Variants in SLC35C1 observed in about 807,000 individuals in gnomAD.
SLC35C1 encodes the protein solute carrier family 35 member C1, also known as GDP-fucose transporter 1.
Under a neutral mutation model 23.2 loss-of-function variants are expected in SLC35C1, and 8 were observed. The observed-to-expected ratio is 0.35, with a 90% confidence interval of 0.20 to 0.62. SLC35C1 has a LOEUF of 0.62. Among genes scored for constraint, SLC35C1 ranks in the 20% least tolerant of loss-of-function variants. The probability of loss-of-function intolerance (pLI) is 0.75; values close to 1 mark genes in which losing one functional copy is unlikely to be tolerated. For missense variants in SLC35C1, 422 were observed against 478.6 expected (o/e 0.88, Z 1.10); for synonymous variants, 226 against 225.1 (o/e 1.00, Z -0.04).
upstream of SLC35C1, chr11:45,804,834 A>C: frequency 1.0e-6 from 1 of 985,658 alleles, no homozygotes; most frequent in African/African-American, 1.7e-5. Flanking sequence ...GGGTTCCGGG[A>C]AGTGGACCTG....
upstream of SLC35C1, chr11:45,804,366 G>A: frequency 1.9e-6 from 1 of 537,366 alleles, no homozygotes; most frequent in South Asian, 8.0e-5. Context: ...CCCAGGGTGC[G>A]GCGCTGCAGA....
At chr11:45,809,276 C>T (rs1423614965) in intron 1 of SLC35C1, among the ~76,000 whole-genome samples, 1 of 152,122 alleles carries the variant, frequency 6.6e-6, no homozygotes, top group African/African-American at 2.4e-5. Flanking sequence ...ATAAAAGGGG[C>T]TGTGGGAGCT....
chr11:45,804,878 C>T, upstream of SLC35C1: 1 of 985,800 alleles, frequency 1.0e-6, no homozygotes, highest in Non-Finnish European at 1.2e-6. Flanking sequence ...GGGACGGAGG[C>T]TCCGGGGCGG....
Position 45,805,604 on chromosome 11 carries a change from G to A in SLC35C1, c.-198G>A, listed in dbSNP as rs2085861225. On this transcript the variant is annotated 5_prime_UTR_variant, in exon 1 of 2. An upstream open reading frame in the 5' UTR loses its in-frame stop. Transcript: ENST00000314134. Reference sequence around the variant, plus strand: ...TCAGAGCCCCCTCGGGGTGGGAGTAGGTTGTGGAGCAGCACAACTGGGCTC... The same window carrying A: ...TCAGAGCCCCCTCGGGGTGGGAGTAAGTTGTGGAGCAGCACAACTGGGCTC... 22 of 1,469,736 alleles carry A rather than the reference G, an allele frequency of 1.5e-5. 1 individual carries two copies. The South Asian group carries it at 2.7e-4, about 18-fold the overall frequency. 91.0% of individuals were successfully genotyped at this position (1,469,736 alleles called of 1,614,324 possible).
intron 1 of SLC35C1, chr11:45,806,846 G>C (rs2085883438): frequency 1.0e-6 from 1 of 975,206 alleles, no homozygotes; most frequent in East Asian, 1.1e-4. Flanking sequence ...TGATTTCCCA[G>C]CCAGTGCTCT....
chr11:45,809,473 C>T (rs2085913069), intron 1 of SLC35C1, among the ~76,000 whole-genome samples: 1 of 152,284 alleles, frequency 6.6e-6, no homozygotes, highest in East Asian at 1.9e-4. Flanking sequence ...CAGGCCGACT[C>T]CACGTGGTGC....
rs1316160727 is a variant in SLC35C1 at position 45,812,998 on chromosome 11, CAATAAA to C, written c.*1664_*1669del. On this transcript the variant is annotated 3_prime_UTR_variant, in exon 2 of 2. Transcript: ENST00000314134. ...CTGATGCCCTGAGTTGTTTGTGATT[CAATAAA>C]GAATCCATAAGATCCTGTGTGTGTG... 3 of 224,586 alleles carry C rather than the reference CAATAAA, an allele frequency of 1.3e-5. No individual in the cohort carries two copies. Among genetic ancestry groups the C allele is most frequent in the East Asian group, 1.9e-4 (2 of 10,686 alleles). 13.9% of individuals were successfully genotyped at this position (224,586 alleles called of 1,614,324 possible).
At chr11:45,810,384 G>C (rs545116604) in intron 1 of SLC35C1, 5 of 985,288 alleles carry the variant, frequency 5.1e-6, no homozygotes, top group Non-Finnish European at 6.0e-6. Context: ...TCAGAACTCA[G>C]TTCAACTGTT....
At chr11:45,806,892 A>G (rs2085884125) in intron 1 of SLC35C1, 13 of 985,314 alleles carry the variant, frequency 1.3e-5, no homozygotes, top group Non-Finnish European at 1.4e-5. Context: ...TAAATATACC[A>G]TCACTCTCTG....
rs747383355 is a variant in SLC35C1, at chr11:45,810,945, C to T, written c.705C>T (p.Asn235=). ...TCTGGCGCCTGACTTTCTACAACAA[C>T]GTCAACGCCTGCATCCTCTTCCTGC... is the stretch of plus-strand genomic sequence containing the variant. The part of the protein sequence containing the change: ...GSIWRLTFYN[N]VNACILFLPL... Residue 235 remains asparagine, a synonymous_variant, in exon 2 of 2, where the codon AAC becomes AAT. Transcript: ENST00000314134. The T allele has an allele frequency of 1.5e-5, 24 of 1,612,738 alleles. No individual in the cohort carries two copies. Among genetic ancestry groups the T allele is most frequent in the African/African-American group, 1.2e-4 (9 of 75,074 alleles).
Position 45,805,419 on chromosome 11 carries a change from GC to G in SLC35C1, c.-379del. On this transcript the variant is annotated 5_prime_UTR_variant, in exon 1 of 2. The change abolishes the stop of an existing upstream ORF in the 5' untranslated region. Transcript: ENST00000314134. ...CCACGCGTCCTTTTCCTGCACCTTC[GC>G]CCCGCGTACCTACTCCTGCCCCGCC... is the stretch of plus-strand genomic sequence containing the variant. 1 of 1,042,012 alleles carries G rather than the reference GC, an allele frequency of 9.6e-7. No homozygotes were observed. The highest frequency in any genetic ancestry group is 1.2e-6 in the Non-Finnish European group (1 of 864,414). 64.5% of individuals were successfully genotyped at this position (1,042,012 alleles called of 1,614,324 possible). A position where few individuals can be genotyped will look rare whatever the true frequency, so the allele number is the denominator to read the frequency against.
chr11:45,811,311 C>T lies in SLC35C1; in HGVS notation c.1071C>T (p.Ser357=), dbSNP rs1317972174. Residue 357 remains serine (S), a synonymous_variant, in exon 2 of 2, where the codon AGC becomes AGT. Coordinates refer to ENST00000314134, the MANE Select transcript of SLC35C1 (RefSeq NM_018389.5). ...CGGAGGAGCCCAGCCCCAAAGACAG[C>T]GAGAAGAGCGCCATGGGGGTGTGAG... The part of the protein sequence containing the change: ...KTPEEPSPKD[S]EKSAMGV 9 of 1,533,872 alleles carry T rather than the reference C, an allele frequency of 5.9e-6. No homozygotes were observed. Among genetic ancestry groups the T allele is most frequent in the Admixed American group, 2.0e-5 (1 of 49,638 alleles).
chr11:45,810,838 G>A lies in SLC35C1; in HGVS notation c.598G>A (p.Val200Ile), dbSNP rs146971634. 2.2e-4 allele frequency: 350 copies of A among 1,612,388 alleles called. 2 individuals carry two copies. In the African/African-American group the frequency reaches 3.6e-3, roughly 17 times the overall value. The change falls in exon 2 of 2, where the codon GTC becomes ATC. Residue 200 changes from valine to isoleucine, a missense_variant. Coordinates refer to ENST00000314134, the MANE Select transcript of SLC35C1 (RefSeq NM_018389.5). ...AGGCACCCTGTCGTGGCTGGGCACC[G>A]TCTTCGGCGTGCTGGCTAGCCTCTG... is the stretch of plus-strand genomic sequence containing the variant. ...AEGTLSWLGT[V>I]FGVLASLCVS...
At chr11:45,807,702 A>AAGCT in intron 1 of SLC35C1, among the ~76,000 whole-genome samples, 1 of 152,110 alleles carries the variant, frequency 6.6e-6, no homozygotes. Context: ...TGCTGGATCT[A>AAGCT]GGGCTGCTGG....
intron 1 of SLC35C1, chr11:45,806,926 C>G (rs2085884345): frequency 1.0e-6 from 1 of 984,126 alleles, no homozygotes; most frequent in Non-Finnish European, 1.2e-6. Context: ...GCGCCTGAGA[C>G]AGTAGCAAGC....
At position 45,811,631 on chromosome 11, in the gene SLC35C1, C is replaced by T. The variant is rs2085949513; in HGVS notation, c.*296C>T. The T allele has an allele frequency of 3.1e-6, 1 of 326,116 alleles. No individual in the cohort carries two copies. Among genetic ancestry groups the T allele is most frequent in the Non-Finnish European group, 5.6e-6 (1 of 177,284 alleles). The allele number at this position is 326,116 out of a possible 1,614,324, so 20.2% of individuals were successfully genotyped here. A position where few individuals can be genotyped will look rare whatever the true frequency, so the allele number is the denominator to read the frequency against. ...GGGAGCACCCTAGTGAGAGTTGAAC[C>T]CCTTCCTTCTGCCTCCAGGGCCTGT... On this transcript the variant is annotated 3_prime_UTR_variant, in exon 2 of 2. Transcript: ENST00000314134.
Position 45,812,213 on chromosome 11 carries a change from C to T in SLC35C1, c.*878C>T. 4.8e-6 allele frequency: 1 copy of T among 207,240 alleles called. No individual in the cohort carries two copies. The highest frequency in any genetic ancestry group is 7.8e-5 in the South Asian group (1 of 12,816). 12.8% of individuals were successfully genotyped at this position (207,240 alleles called of 1,614,324 possible). A position where few individuals can be genotyped will look rare whatever the true frequency, so the allele number is the denominator to read the frequency against. ...TCTACCTCCCCAGAAGCCTTCCTCC[C>T]CAGGTGGGGCTGATGGAGCAAGGGT... On this transcript the variant is annotated 3_prime_UTR_variant, in exon 2 of 2. Coordinates refer to ENST00000314134, the MANE Select transcript of SLC35C1 (RefSeq NM_018389.5).
intron 1 of SLC35C1, chr11:45,810,069 G>A: frequency 1.0e-6 from 1 of 985,436 alleles, no homozygotes; most frequent in Non-Finnish European, 1.2e-6. Context: ...GAAGCAGGGA[G>A]ACGAGCAGGG....
intron 1 of SLC35C1, chr11:45,810,176 C>T (rs1360292453): frequency 2.0e-6 from 2 of 985,338 alleles, no homozygotes; most frequent in African/African-American, 3.5e-5. Context: ...GCCACGGAAG[C>T]TCTTTGAGCA....
Sources: gnomAD v4.1 joint callset for allele counts (sites outside exome capture counted in the v4.1 genomes callset) on GRCh38, gnomAD v4.1.1 for gene constraint, MANE v1.5 for transcripts, NCBI Gene and HGNC (gene_info 2026-07-23, HGNC 2026-07-21) for gene names.